Variants in NAALADL2 observed in about 807,000 individuals in gnomAD.
The protein encoded by NAALADL2 is N-acetylated alpha-linked acidic dipeptidase like 2.
A neutral mutation model predicts 87.2 loss-of-function variants in NAALADL2; 76 were observed. The observed-to-expected ratio is 0.87, with a 90% CI of 0.72 to 1.05. NAALADL2 has a LOEUF of 1.05. Ranked by LOEUF, NAALADL2 falls within the 50% of genes least tolerant of loss-of-function variation. The pLI is 0.00. For missense variants in NAALADL2, 1,089 were observed against 945.8 expected (o/e 1.15, Z -1.99); for synonymous variants, 354 against 331.0 (o/e 1.07, Z -0.75).
chr3:175,750,971 A>G (rs1180116519), intron 12 of NAALADL2, among the ~76,000 whole-genome samples: 1 of 152,190 alleles, frequency 6.6e-6, no homozygotes, highest in Admixed American at 6.5e-5. Context: ...GAAGGGAAAA[A>G]GAATAAATGC....
chr3:175,244,253 T>G (rs1019872984), intron 3 of NAALADL2, among the ~76,000 whole-genome samples: 1 of 152,206 alleles, frequency 6.6e-6, no homozygotes, highest in Non-Finnish European at 1.5e-5. Flanking sequence ...TTGCGGAAGC[T>G]CTCATGATCA....
intron 5 of NAALADL2, among the ~76,000 whole-genome samples, chr3:175,378,834 C>A (rs1238646651): frequency 6.6e-6 from 1 of 152,160 alleles, no homozygotes; most frequent in East Asian, 1.9e-4. Context: ...TAATCCTGCA[C>A]CTGTTAGTTC....
In NAALADL2 at chr3:175,364,457, T is replaced by C. The variant is rs540823263; in HGVS notation, c.1090+40132T>C. ...ATTTGAAGTCTTAATAGTGCTAGAATTCCCTTGGGTTGTACATTCGGGAGT... is the reference window on the plus strand; with the variant it reads ...ATTTGAAGTCTTAATAGTGCTAGAACTCCCTTGGGTTGTACATTCGGGAGT... On this transcript the variant is annotated intron_variant, in intron 5 of 13. Transcript: ENST00000454872. Among the ~76,000 whole-genome samples, 4 of 148,042 alleles carry C rather than the reference T, an allele frequency of 2.7e-5. No homozygotes were observed. The East Asian group carries it at 8.0e-4, about 30-fold the overall frequency.
intron 9 of NAALADL2, among the ~76,000 whole-genome samples, chr3:175,504,944 A>T (rs1269729078): frequency 6.6e-6 from 1 of 152,162 alleles, no homozygotes; most frequent in Non-Finnish European, 1.5e-5. Context: ...ACGGCAGCAA[A>T]TGTTTAAGAT....
intron 2 of NAALADL2, among the ~76,000 whole-genome samples, chr3:174,704,609 TA>T (rs1729883994): frequency 6.6e-6 from 1 of 151,770 alleles, no homozygotes; most frequent in Non-Finnish European, 1.5e-5. Context: ...TGATGGAAGA[TA>T]GATTAAAAAA....
chr3:175,732,947 A>G (rs1307335665), intron 11 of NAALADL2, among the ~76,000 whole-genome samples: 6 of 152,182 alleles, frequency 3.9e-5, no homozygotes, highest in African/African-American at 1.4e-4. Context: ...AAAAATAGCT[A>G]ATGCACGCAG....
At chr3:175,072,942 A>G (rs984658454) in intron 1 of NAALADL2, among the ~76,000 whole-genome samples, 2 of 152,030 alleles carry the variant, frequency 1.3e-5, no homozygotes, top group African/African-American at 4.8e-5. Context: ...ATTTATATGC[A>G]TGCAATTTTG....
chr3:174,716,069 T>G (rs2108933659), intron 2 of NAALADL2, among the ~76,000 whole-genome samples: 1 of 152,340 alleles, frequency 6.6e-6, no homozygotes, highest in Non-Finnish European at 1.5e-5. Context: ...TGACATTTTC[T>G]ACTTTTATTC....
Position 175,096,810 on chromosome 3 carries a change from A to T in NAALADL2, c.64A>T (p.Lys22Ter), listed in dbSNP as rs1169649774. The part of the protein sequence containing the change: ...SLQGKKMAYQ[K>*]VHADQRAPGH... ...CACAGGTAAAAAGATGGCCTATCAG[A>T]AGGTCCATGCAGATCAAAGAGCTCC... Residue 22 changes from lysine (K) to a stop codon, truncating the protein, a stop_gained, in exon 2 of 14, where the codon AAG becomes TAG. Coordinates refer to ENST00000454872, the MANE Select transcript of NAALADL2 (RefSeq NM_207015.3). LOFTEE classifies it high-confidence loss of function. 1 of 1,535,290 alleles carries T rather than the reference A, an allele frequency of 6.5e-7. No homozygotes were observed. The highest frequency in any genetic ancestry group is 2.2e-5 in the Admixed American group (1 of 44,564).
chr3:175,114,897 G>A (rs369626616), intron 2 of NAALADL2, among the ~76,000 whole-genome samples: 4 of 151,728 alleles, frequency 2.6e-5, no homozygotes, highest in African/African-American at 7.2e-5. Flanking sequence ...TTTGGCCAAA[G>A]CAAATCACAA....
rs1738390673 is a variant in NAALADL2 at position 175,698,418 on chromosome 3, TAC to T, written c.1897-38886_1897-38885del. Among the ~76,000 whole-genome samples the T allele has an allele frequency of 7.7e-5, 5 of 64,938 alleles. 1 individual carries two copies. The highest frequency in any genetic ancestry group is 3.2e-4 in the African/African-American group (2 of 6,230). The allele number at this position is 64,938 out of a possible 152,430, so 42.6% of individuals were successfully genotyped here. A position where few individuals can be genotyped will look rare whatever the true frequency, so the allele number is the denominator to read the frequency against. On this transcript the variant is annotated intron_variant, in intron 11 of 13. Transcript: ENST00000454872. ...ATATGTATGTGTATTTATGTATGTA[TAC>T]ATATGTATGTGTATATATTTATGTA...
At chr3:175,505,467 G>C (rs1033590575) in intron 9 of NAALADL2, among the ~76,000 whole-genome samples, 2 of 152,026 alleles carry the variant, frequency 1.3e-5, no homozygotes, top group African/African-American at 4.8e-5. Context: ...AGTATGGTTT[G>C]TTTCATAGCA....
intron 1 of NAALADL2, among the ~76,000 whole-genome samples, chr3:174,479,934 CAG>C (rs1264126816): frequency 1.3e-5 from 2 of 152,008 alleles, no homozygotes; most frequent in East Asian, 3.9e-4. Context: ...AAGTTTATGA[CAG>C]AATTTTTAAA....
chr3:174,980,304 G>A (rs1000857791), intron 1 of NAALADL2, among the ~76,000 whole-genome samples: 8 of 152,250 alleles, frequency 5.3e-5, no homozygotes, highest in Admixed American at 1.3e-4. Flanking sequence ...GGAGGCATTT[G>A]ATGAGTATTT....
chr3:174,548,926 A>G (rs962418088), intron 1 of NAALADL2, among the ~76,000 whole-genome samples: 2 of 152,248 alleles, frequency 1.3e-5, no homozygotes, highest in Non-Finnish European at 1.5e-5. Context: ...TGCAGCCCCA[A>G]TCTCTCTGGG....
At chr3:174,887,603 T>C (rs1464776878) in intron 1 of NAALADL2, among the ~76,000 whole-genome samples, 1 of 152,132 alleles carries the variant, frequency 6.6e-6, no homozygotes, top group African/African-American at 2.4e-5. Context: ...ATGACCAGCC[T>C]GGGCAACATG....
chr3:175,783,465 G>A (rs981540374), intron 13 of NAALADL2, among the ~76,000 whole-genome samples: 3 of 151,546 alleles, frequency 2.0e-5, no homozygotes, highest in Non-Finnish European at 2.9e-5. Flanking sequence ...TCTCTTGGAA[G>A]CAATTGTGAA....
intron 9 of NAALADL2, among the ~76,000 whole-genome samples, chr3:175,575,276 T>TTTTA (rs1718693565): frequency 6.6e-6 from 1 of 152,042 alleles, no homozygotes; most frequent in African/African-American, 2.4e-5. Context: ...TTATTTTTAT[T>TTTTA]TTTATTTATT....
rs553619344 is a variant in NAALADL2 at position 174,482,119 on chromosome 3, A to C, written c.-184+41087A>C. On this transcript the variant is annotated intron_variant, in intron 1 of 3. Transcript: ENST00000434257. ...CTGCTATATTAACTCTTTTCTGTCCAACACCTAATGCAGTTCTTATTCTGT... is the reference window on the plus strand; with the variant it reads ...CTGCTATATTAACTCTTTTCTGTCCCACACCTAATGCAGTTCTTATTCTGT... 3.1e-4 allele frequency among the ~76,000 whole-genome samples: 47 copies of C among 152,082 alleles called. 1 individual carries two copies. Among genetic ancestry groups the C allele is most frequent in the Non-Finnish European group, 5.0e-4 (34 of 67,984 alleles).
Sources: allele counts gnomAD v4.1 joint callset (sites outside exome capture counted in the v4.1 genomes callset), GRCh38; gene constraint gnomAD v4.1.1; transcripts MANE v1.5; gene names NCBI Gene and HGNC (gene_info 2026-07-23, HGNC 2026-07-21).